The following VOPP1 variants were observed in gnomAD, a reference collection of about 807,000 sequenced individuals.
VOPP1 encodes the protein WW domain binding protein VOPP1.
VOPP1 carries 8 observed loss-of-function variants against 23.5 expected under a neutral mutation model. The ratio of observed to expected loss-of-function variants is 0.34; its 90% confidence interval spans 0.20 to 0.61. The LOEUF (loss-of-function observed/expected upper bound fraction) is 0.61, where lower values mean the gene tolerates loss of function less well. Ranked by LOEUF, VOPP1 falls within the 20% of genes least tolerant of loss-of-function variation. The probability of loss-of-function intolerance (pLI) is 0.78; values close to 1 mark genes in which losing one functional copy is unlikely to be tolerated. For missense variants in VOPP1, 174 were observed against 238.1 expected, an observed-to-expected ratio of 0.73 and a Z score of 1.77; for synonymous variants, 83 against 97.3, an observed-to-expected ratio of 0.85 and a Z score of 0.86.
At chr7:55,468,294 A>G (rs1421916181), downstream of VOPP1, among the ~76,000 whole-genome samples, 1 of 151,762 alleles carries the variant, frequency 6.6e-6, no homozygotes. Flanking sequence ...AAAAAGAAAA[A>G]AAAAGAAAGA....
At chr7:55,499,507 C>A (rs1794215591) in intron 2 of VOPP1, among the ~76,000 whole-genome samples, 3 of 152,194 alleles carry the variant, frequency 2.0e-5, no homozygotes, top group South Asian at 2.1e-4. Flanking sequence ...CCAGAGGAAA[C>A]CCCTGCTGGG....
At chr7:55,498,343 C>T (rs1162652727) in intron 2 of VOPP1, among the ~76,000 whole-genome samples, 1 of 152,200 alleles carries the variant, frequency 6.6e-6, no homozygotes, top group Non-Finnish European at 1.5e-5. Context: ...CTCCCCTCAT[C>T]CCCCAACGTG....
At chr7:55,438,562 T>G (rs11977999) in intron 4 of VOPP1, among the ~76,000 whole-genome samples, 2,498 of 151,764 alleles carry the variant, frequency 0.016, 75 homozygotes, top group African/African-American at 0.055. Context: ...GGCTGGCAGG[T>G]GAATAAGTGT....
intron 1 of VOPP1, among the ~76,000 whole-genome samples, chr7:55,563,122 A>T (rs1485057944): frequency 1.3e-5 from 2 of 152,210 alleles, no homozygotes; most frequent in South Asian, 2.1e-4. Context: ...AAAATGATAA[A>T]TCAATTAGTC....
chr7:55,449,790 G>A (rs1378767973), intron 4 of VOPP1, among the ~76,000 whole-genome samples: 1 of 152,094 alleles, frequency 6.6e-6, no homozygotes, highest in Non-Finnish European at 1.5e-5. Flanking sequence ...GCCCTCTACC[G>A]CCCCTGCCTC....
At chr7:55,475,744 G>C (rs1417469820) in intron 4 of VOPP1, among the ~76,000 whole-genome samples, 1 of 152,242 alleles carries the variant, frequency 6.6e-6, no homozygotes, top group Non-Finnish European at 1.5e-5. Flanking sequence ...TGGGGTTGCA[G>C]AAAGACTTTC....
chr7:55,464,857 C>A (rs909144773), intron 4 of VOPP1, among the ~76,000 whole-genome samples: 2 of 152,166 alleles, frequency 1.3e-5, no homozygotes, highest in African/African-American at 4.8e-5. Flanking sequence ...CTTCTCTGGA[C>A]TAATGGCATT....
intron 2 of VOPP1, among the ~76,000 whole-genome samples, chr7:55,501,587 C>A (rs569033119): frequency 6.6e-6 from 1 of 152,322 alleles, no homozygotes; most frequent in East Asian, 1.9e-4. Flanking sequence ...TGGCTTTAGT[C>A]AAATGGCTCT....
intron 4 of VOPP1, among the ~76,000 whole-genome samples, chr7:55,446,314 G>C (rs1163466718): frequency 1.3e-5 from 2 of 152,244 alleles, no homozygotes; most frequent in Non-Finnish European, 2.9e-5. Context: ...TTTTTGATAT[G>C]AGTACTACTT....
chr7:55,559,956 C>A (rs957339846), intron 1 of VOPP1, among the ~76,000 whole-genome samples: 5 of 152,208 alleles, frequency 3.3e-5, no homozygotes, highest in Non-Finnish European at 7.3e-5. Context: ...AGTTCCAGAC[C>A]AGCCTGGCCA....
chr7:55,521,876 G>T lies in VOPP1; in HGVS notation c.55-746C>A. On this transcript the variant is annotated intron_variant, in intron 1 of 4. Transcript: ENST00000285279. Reference sequence around the variant, plus strand: ...CTGCTCAGGGAGCTCTCTATGCAGAGATGCTCTTCCCATCTGAACAAGGCT... The same window carrying T: ...CTGCTCAGGGAGCTCTCTATGCAGATATGCTCTTCCCATCTGAACAAGGCT... 3 of 985,594 alleles carry T rather than the reference G, an allele frequency of 3.0e-6. No individual in the cohort carries two copies. In the South Asian group the frequency reaches 1.4e-4, roughly 46 times the overall value. The allele number at this position is 985,594 out of a possible 1,614,324, so 61.1% of individuals were successfully genotyped here.
chr7:55,477,410 G>A (rs1792345376), intron 4 of VOPP1, among the ~76,000 whole-genome samples: 1 of 152,188 alleles, frequency 6.6e-6, no homozygotes. Context: ...GATTGTGCTG[G>A]GTGTGCATGG....
chr7:55,508,785 G>C (rs1480867185), intron 2 of VOPP1, among the ~76,000 whole-genome samples: 1 of 152,140 alleles, frequency 6.6e-6, no homozygotes, highest in Non-Finnish European at 1.5e-5. Context: ...TCTCTGGAAG[G>C]TGTTTTTCAT....
At chr7:55,468,455 C>T (rs1410420561), downstream of VOPP1, among the ~76,000 whole-genome samples, 1 of 152,154 alleles carries the variant, frequency 6.6e-6, no homozygotes, top group African/African-American at 2.4e-5. Context: ...CAAGGAGCTT[C>T]CAAGGAAAGG....
At chr7:55,564,588 C>T (rs780602622) in intron 1 of VOPP1, among the ~76,000 whole-genome samples, 2 of 152,092 alleles carry the variant, frequency 1.3e-5, no homozygotes, top group African/African-American at 2.4e-5. Context: ...TTGCTATGGA[C>T]GCTTATGACA....
intron 1 of VOPP1, 120 bp from the exon 2 acceptor site, chr7:55,521,250 T>A: frequency 1.9e-6 from 2 of 1,030,998 alleles, no homozygotes; most frequent in Non-Finnish European, 2.9e-6. Flanking sequence ...AAAGCTGGGA[T>A]ATCGGGGCAG....
chr7:55,465,775 G>C (rs1026168381), downstream of VOPP1, among the ~76,000 whole-genome samples: 4 of 152,206 alleles, frequency 2.6e-5, no homozygotes, highest in Non-Finnish European at 4.4e-5. Context: ...CTCAGGACTT[G>C]AGCAAGACTG....
chr7:55,512,611 C>A (rs959221028), intron 2 of VOPP1, among the ~76,000 whole-genome samples: 1 of 152,178 alleles, frequency 6.6e-6, no homozygotes, highest in African/African-American at 2.4e-5. Flanking sequence ...ATATCTGCCC[C>A]CTCCAGGCTG....
At chr7:55,488,240 G>T (rs1032161312) in intron 4 of VOPP1, among the ~76,000 whole-genome samples, 5 of 152,132 alleles carry the variant, frequency 3.3e-5, no homozygotes, top group African/African-American at 1.2e-4. Context: ...TGCAGTTAAG[G>T]TGCTGAGGTT....
Sources: allele counts gnomAD v4.1 joint callset (sites outside exome capture counted in the v4.1 genomes callset), GRCh38; gene constraint gnomAD v4.1.1; transcripts MANE v1.5; gene names NCBI Gene and HGNC (gene_info 2026-07-23, HGNC 2026-07-21).